The following IL5 variants were observed in gnomAD, a reference collection of about 807,000 sequenced individuals.
IL5 encodes interleukin-5.
In IL5, 12 loss-of-function variants were observed where a neutral mutation model predicts 16.3. The observed-to-expected ratio is 0.74, with a 90% CI of 0.47 to 1.20. IL5 has a LOEUF of 1.20. Among genes scored for constraint, IL5 ranks in the 50% most tolerant of loss-of-function variants. The pLI, the probability that IL5 is intolerant of heterozygous loss-of-function variation, is 0.00. For missense variants in IL5, 159 were observed against 153.9 expected, an observed-to-expected ratio of 1.03 and a Z score of -0.17; for synonymous variants, 54 against 56.6, an observed-to-expected ratio of 0.95 and a Z score of 0.21.
At chr5:132,555,759 C>T (rs1180910014) in intron 1 of IL5, among the ~76,000 whole-genome samples, 1 of 152,232 alleles carries the variant, frequency 6.6e-6, no homozygotes, top group Non-Finnish European at 1.5e-5. Context: ...TCGTGATCCA[C>T]CCGTCTCGGC....
intron 1 of IL5, among the ~76,000 whole-genome samples, chr5:132,553,359 T>C (rs750833252): frequency 4.6e-5 from 7 of 152,188 alleles, no homozygotes; most frequent in Non-Finnish European, 8.8e-5. Flanking sequence ...TTTCCGTTTT[T>C]AAGAAAGCAA....
At chr5:132,545,263 C>T (rs143842369), upstream of IL5, among the ~76,000 whole-genome samples, 5 of 152,290 alleles carry the variant, frequency 3.3e-5, no homozygotes, top group East Asian at 9.6e-4. Context: ...TTATGTTACA[C>T]TGAGGAAGTT....
upstream of IL5, among the ~76,000 whole-genome samples, chr5:132,544,568 G>C (rs1435762010): frequency 6.6e-6 from 1 of 152,226 alleles, no homozygotes; most frequent in African/African-American, 2.4e-5. Flanking sequence ...GGCGGGCCAT[G>C]AAATTAGGGG....
rs181065673 is a variant in IL5 at position 132,543,125 on chromosome 5, G to A, written c.146C>T (p.Thr49Ile). 1.1e-4 allele frequency: 177 copies of A among 1,605,908 alleles called. No homozygotes were observed. Among genetic ancestry groups the A allele is most frequent in the Admixed American group, 7.5e-4 (45 of 59,730 alleles). Residue 49 changes from threonine to isoleucine, a missense_variant and splice_region_variant, in exon 2 of 4, where the codon ACT becomes ATT. Transcript: ENST00000231454. ...ATGTACAGGAACAGGAATCCTCAGAGTCTGGAGAGGAAAGGAAATACAATC... is the reference window on the plus strand; with the variant it reads ...ATGTACAGGAACAGGAATCCTCAGAATCTGGAGAGGAAAGGAAATACAATC... ...THRTLLIANE[T>I]LRIPVPVHKN...
chr5:132,551,561 CATGT>C (rs1001837716), intron 1 of IL5, among the ~76,000 whole-genome samples: 1 of 138,626 alleles, frequency 7.2e-6, no homozygotes, highest in African/African-American at 3.5e-5. Flanking sequence ...TGCGTGCATG[CATGT>C]GTGTGTGTTC....
chr5:132,546,653 A>G (rs1182852377), upstream of IL5, among the ~76,000 whole-genome samples: 1 of 152,050 alleles, frequency 6.6e-6, no homozygotes, highest in Non-Finnish European at 1.5e-5. Context: ...CGTGTCATTA[A>G]CTTTTCCTCT....
upstream of IL5, among the ~76,000 whole-genome samples, chr5:132,548,164 G>C (rs1260734143): frequency 6.6e-6 from 1 of 152,030 alleles, no homozygotes; most frequent in Non-Finnish European, 1.5e-5. Context: ...AGGAGGCTGA[G>C]GCCAGAGGAT....
At chr5:132,553,548 T>C (rs920469083) in intron 1 of IL5, among the ~76,000 whole-genome samples, 1 of 152,254 alleles carries the variant, frequency 6.6e-6, no homozygotes, top group South Asian at 2.1e-4. Flanking sequence ...TTCTGAAATT[T>C]TATCCACCAG....
chr5:132,545,240 C>T (rs928772444), upstream of IL5, among the ~76,000 whole-genome samples: 4 of 152,162 alleles, frequency 2.6e-5, no homozygotes, highest in African/African-American at 9.7e-5. Flanking sequence ...CTCTCTGATT[C>T]CCCCTGACAC....
exon 1 of IL5, chr5:132,556,779 CA>C: frequency 8.3e-7 from 1 of 1,197,956 alleles, no homozygotes; most frequent in Non-Finnish European, 1.1e-6. Flanking sequence ...TCTCCCCTTC[CA>C]AAAGTCAGTG....
At chr5:132,546,796 C>T (rs540046560), upstream of IL5, among the ~76,000 whole-genome samples, 3 of 152,088 alleles carry the variant, frequency 2.0e-5, no homozygotes, top group Admixed American at 1.3e-4. Context: ...GAGGCTGAGG[C>T]GGGCAGATCA....
At chr5:132,550,506 T>C (rs1407816766) in intron 1 of IL5, among the ~76,000 whole-genome samples, 9 of 152,082 alleles carry the variant, frequency 5.9e-5, no homozygotes, top group Non-Finnish European at 1.0e-4. Context: ...GTATTTTTAG[T>C]AGAGACGGGG....
At chr5:132,554,831 G>A (rs1749946448) in intron 1 of IL5, among the ~76,000 whole-genome samples, 1 of 152,160 alleles carries the variant, frequency 6.6e-6, no homozygotes, top group Non-Finnish European at 1.5e-5. Context: ...AATGTGATGT[G>A]TATTGTAATG....
At chr5:132,549,861 T>C (rs1749854816) in intron 1 of IL5, among the ~76,000 whole-genome samples, 1 of 152,206 alleles carries the variant, frequency 6.6e-6, no homozygotes, top group African/African-American at 2.4e-5. Context: ...ATTCTATCCT[T>C]TCAATCTCCC....
chr5:132,547,466 A>G (rs1749812266), upstream of IL5, among the ~76,000 whole-genome samples: 2 of 152,236 alleles, frequency 1.3e-5, no homozygotes, highest in Admixed American at 6.5e-5. Flanking sequence ...AAAACTGTTA[A>G]GGTCATCAAA....
intron 2 of IL5, 62 bp downstream of exon 2, chr5:132,543,032 A>T (rs1320755704): frequency 2.5e-6 from 3 of 1,224,258 alleles, no homozygotes; most frequent in Non-Finnish European, 3.6e-6. Flanking sequence ...AATGATTTAC[A>T]GCTTAAAACA....
At chr5:132,548,661 G>A (rs138272420) in intron 1 of IL5, among the ~76,000 whole-genome samples, 22 of 151,546 alleles carry the variant, frequency 1.5e-4, no homozygotes, top group East Asian at 7.7e-4. Context: ...GTGTGTGTGC[G>A]TCTGTGTGTG....
In IL5 at chr5:132,541,741, G is replaced by A. The variant is rs1749693944; in HGVS notation, c.*70C>T. ...AAAATTAAGGCCTGACTCTTTCTTG[G>A]CCCTCATTCTCACTGCAGTAAAATG... On this transcript the variant is annotated 3_prime_UTR_variant, in exon 4 of 4. Transcript: ENST00000231454. The A allele has an allele frequency of 1.1e-6, 1 of 913,004 alleles. No homozygotes were observed. Among genetic ancestry groups the A allele is most frequent in the Non-Finnish European group, 1.8e-6 (1 of 571,068 alleles). 56.6% of individuals were successfully genotyped at this position (913,004 alleles called of 1,614,324 possible).
rs1749694140 is a variant in IL5, at chr5:132,541,746, C to T, written c.*65G>A. On this transcript the variant is annotated 3_prime_UTR_variant, in exon 4 of 4. Coordinates refer to ENST00000231454, the MANE Select transcript of IL5 (RefSeq NM_000879.3). ...TAAGGCCTGACTCTTTCTTGGCCCT[C>T]ATTCTCACTGCAGTAAAATGTCCTT... The T allele has an allele frequency of 6.1e-6, 6 of 978,852 alleles. No homozygotes were observed. The highest frequency in any genetic ancestry group is 2.4e-5 in the East Asian group (1 of 41,408). 60.6% of individuals were successfully genotyped at this position (978,852 alleles called of 1,614,324 possible).
Sources: gnomAD v4.1 joint callset for allele counts (sites outside exome capture counted in the v4.1 genomes callset) on GRCh38, gnomAD v4.1.1 for gene constraint, MANE v1.5 for transcripts, NCBI Gene and HGNC (gene_info 2026-07-23, HGNC 2026-07-21) for gene names.